Variants in NBEAL2 observed in about 807,000 individuals in gnomAD.
NBEAL2 encodes the protein neurobeachin-like protein 2.
In NBEAL2, 160 loss-of-function variants were observed where a neutral mutation model predicts 299.8. The ratio of observed to expected loss-of-function variants is 0.53; its 90% CI spans 0.47 to 0.61. NBEAL2 has a LOEUF of 0.61. NBEAL2 is among the 20% of genes least tolerant of loss of function. NBEAL2 has a pLI of 0.00. For synonymous variants in NBEAL2, 1,493 were observed against 1,542.3 expected, an observed-to-expected ratio of 0.97 and a Z score of 0.75; for missense variants, 3,112 against 3,649.0, an observed-to-expected ratio of 0.85 and a Z score of 3.79.
At chr3:46,990,410 T>C (rs2035999317) in intron 6 of NBEAL2, among the ~76,000 whole-genome samples, 2 of 152,192 alleles carry the variant, frequency 1.3e-5, no homozygotes, top group African/African-American at 4.8e-5. Flanking sequence ...CCACAGCCTT[T>C]CTCTCCACTT....
At position 46,992,507 on chromosome 3, in the gene NBEAL2, G is replaced by A. The variant is rs1218091324; in HGVS notation, c.1065G>A (p.Gly355=). 1.2e-6 allele frequency: 2 copies of A among 1,606,512 alleles called. No individual in the cohort carries two copies. Among genetic ancestry groups the A allele is most frequent in the South Asian group, 1.1e-5 (1 of 89,416 alleles). ...LYLQSRAPPE[G]DSDLATRLLT... is the part of the protein sequence containing the mutation. ...TGCAGTCCCGGGCGCCCCCCGAGGGGGACAGTGACCTGGCTACCCGGTTAC... is the reference window on the plus strand; with the variant it reads ...TGCAGTCCCGGGCGCCCCCCGAGGGAGACAGTGACCTGGCTACCCGGTTAC... The change falls in exon 10 of 54, where the codon GGG becomes GGA. Residue 355 remains glycine, a synonymous_variant. Coordinates refer to ENST00000450053, the MANE Select transcript of NBEAL2 (RefSeq NM_015175.3).
rs1355022043 is a variant in NBEAL2 at position 47,001,616 on chromosome 3, T to G, written c.4645-73T>G. Reference sequence around the variant, plus strand: ...CCCTACCTGGCCCCCAGCGCAAACTTTACTTTGCTCCCTTTCCATGGACTC... The same window carrying G: ...CCCTACCTGGCCCCCAGCGCAAACTGTACTTTGCTCCCTTTCCATGGACTC... On this transcript the variant is annotated intron_variant, in intron 29 of 53. Transcript: ENST00000450053. The surrounding 1 kb of genome is among the most constrained non-coding windows in gnomAD (Gnocchi z 6.1). The G allele has an allele frequency of 1.3e-5, 21 of 1,591,304 alleles. No homozygotes were observed. Among genetic ancestry groups the G allele is most frequent in the Non-Finnish European group, 1.7e-5 (20 of 1,166,278 alleles).
In NBEAL2 at chr3:46,999,070, C is replaced by A; in HGVS notation, c.3496C>A (p.Leu1166Ile). 1 of 1,592,020 alleles carries A rather than the reference C, an allele frequency of 6.3e-7. No individual in the cohort carries two copies. The highest frequency in any genetic ancestry group is 8.5e-7 in the Non-Finnish European group (1 of 1,169,728). ...GAACCTCGAAGTGCTACTGGCCCTGCTAGTGCGGCCAGGGTCACTGCCCCT... is the reference window on the plus strand; with the variant it reads ...GAACCTCGAAGTGCTACTGGCCCTGATAGTGCGGCCAGGGTCACTGCCCCT... ...PGNLEVLLAL[L>I]VRPGSLPLLP... The change falls in exon 24 of 54, where the codon CTA (leucine) becomes ATA (isoleucine). Residue 1166 changes from leucine (L) to isoleucine (I), a missense_variant. Leu to Ile is a conservative substitution (Grantham distance 5). This residue lies in a region of NBEAL2 where 2,243 missense variants were observed against 2,538.1 expected (regional missense o/e 0.88). Coordinates refer to ENST00000450053, the MANE Select transcript of NBEAL2 (RefSeq NM_015175.3).
chr3:46,990,480 C>T (rs1013902083), intron 6 of NBEAL2, among the ~76,000 whole-genome samples: 6 of 152,230 alleles, frequency 3.9e-5, no homozygotes, highest in Admixed American at 6.5e-5. Flanking sequence ...ACTGACCCCA[C>T]CTCAGGGTCT....
Position 46,995,722 on chromosome 3 carries a change from C to T in NBEAL2, c.1907C>T (p.Thr636Ile), listed in dbSNP as rs564164512. Residue 636 changes from threonine (T) to isoleucine (I), a missense_variant, in exon 14 of 54, where the codon ACC becomes ATC. Thr to Ile is a moderately conservative substitution (Grantham distance 89). Transcript: ENST00000450053. ...LQRKQLYSFF[T>I]SSGSGFEAFF... Reference sequence around the variant, plus strand: ...GGCTTGCCTGCCCCCAGCTTCTTTACCAGCAGCGGCTCAGGGTTTGAGGCC... The same window carrying T: ...GGCTTGCCTGCCCCCAGCTTCTTTATCAGCAGCGGCTCAGGGTTTGAGGCC... 39 of 1,613,280 alleles carry T rather than the reference C, an allele frequency of 2.4e-5. 1 individual carries two copies. The South Asian group carries it at 2.6e-4, about 11-fold the overall frequency.
chr3:46,989,487 T>A lies in NBEAL2; in HGVS notation c.474-24T>A. ...CCAGGAGTGGTGAGAGCCGGGCTGATGTACTTGGCCTCACTGCCCCCAGGG... is the reference window on the plus strand; with the variant it reads ...CCAGGAGTGGTGAGAGCCGGGCTGAAGTACTTGGCCTCACTGCCCCCAGGG... On this transcript the variant is annotated intron_variant, in intron 5 of 53. Coordinates refer to ENST00000450053, the MANE Select transcript of NBEAL2 (RefSeq NM_015175.3). The surrounding 1 kb of genome is among the most constrained non-coding windows in gnomAD (Gnocchi z 5.5). The A allele has an allele frequency of 6.3e-7, 1 of 1,578,066 alleles. No homozygotes were observed. Among genetic ancestry groups the A allele is most frequent in the Non-Finnish European group, 8.6e-7 (1 of 1,162,126 alleles).
chr3:46,986,010 G>T lies in NBEAL2; in HGVS notation c.52-2659G>T, dbSNP rs548194632. On this transcript the variant is annotated intron_variant, in intron 1 of 53. Transcript: ENST00000450053. Reference sequence around the variant, plus strand: ...GACTCCCGTACCCCGACACATTGCAGTCTCAAGCCATGGGGCCTAGGTCAG... The same window carrying T: ...GACTCCCGTACCCCGACACATTGCATTCTCAAGCCATGGGGCCTAGGTCAG... 1.3e-4 allele frequency among the ~76,000 whole-genome samples: 20 copies of T among 152,316 alleles called. 1 individual carries two copies. In the Middle Eastern group the frequency reaches 0.01, roughly 78 times the overall value.
In NBEAL2 at chr3:46,998,574, A is replaced by G; in HGVS notation, c.3221+9A>G. 1 of 1,606,158 alleles carries G rather than the reference A, an allele frequency of 6.2e-7. No individual in the cohort carries two copies. Among genetic ancestry groups the G allele is most frequent in the South Asian group, 1.1e-5 (1 of 89,774 alleles). On this transcript the variant is annotated intron_variant, in intron 22 of 53. Coordinates refer to ENST00000450053, the MANE Select transcript of NBEAL2 (RefSeq NM_015175.3). ...CTGCGCACCCACTACAGGTGAGGCC[A>G]GTGGGGCCAGATGGGCCATGGGGGG...
At chr3:46,987,931 C>T in intron 1 of NBEAL2, 1 of 1,194,118 alleles carries the variant, frequency 8.4e-7, no homozygotes, top group Non-Finnish European at 1.1e-6. Context: ...TCCCCCTCCC[C>T]CACCGTGACT....
rs1003233359 is a variant in NBEAL2, at chr3:47,005,956, A to C, written c.6812A>C (p.Tyr2271Ser). ...CCTCCCTACTCTCAGGAGTCGGAGT[A>C]TGTGTCTGCACACCTACACGAGTGG... Reference protein sequence around the residue: ...QQHRQALESEYVSAHLHEWID... With the variant: ...QQHRQALESESVSAHLHEWID... The change falls in exon 43 of 54, where the codon TAT becomes TCT. Residue 2271 changes from tyrosine to serine, a missense_variant. This residue lies in a region of NBEAL2 where 521 missense variants were observed against 729.6 expected (regional missense o/e 0.71). Coordinates refer to ENST00000450053, the MANE Select transcript of NBEAL2 (RefSeq NM_015175.3). 5.2e-5 allele frequency: 84 copies of C among 1,613,554 alleles called. No individual in the cohort carries two copies. The highest frequency in any genetic ancestry group is 6.7e-5 in the Non-Finnish European group (79 of 1,179,886).
intron 25 of NBEAL2, 63 bp downstream of exon 25, chr3:46,999,537 G>C: frequency 6.3e-7 from 1 of 1,585,752 alleles, no homozygotes; most frequent in African/African-American, 1.4e-5. Flanking sequence ...CAGGCAGGCC[G>C]GAAGAAGGAA....
chr3:47,008,757 G>A, intron 52 of NBEAL2, 89 bp downstream of exon 52: 1 of 1,561,014 alleles, frequency 6.4e-7, no homozygotes, highest in Non-Finnish European at 8.7e-7. Flanking sequence ...CACCATACAT[G>A]TTTGTGGGCA....
chr3:46,991,325 G>A lies in NBEAL2; in HGVS notation c.642+21G>A. On this transcript the variant is annotated intron_variant, in intron 7 of 53. Transcript: ENST00000450053. The surrounding 1 kb of genome is among the most constrained non-coding windows in gnomAD (Gnocchi z 6.2). ...GAAAGGTAGGCTGGGAGGTGAGCCT[G>A]TGGACTAGAGAGCAGCTCTTTCAGT... The A allele has an allele frequency of 6.3e-7, 1 of 1,590,948 alleles. No individual in the cohort carries two copies.
Position 46,996,014 on chromosome 3 carries a change from T to G in NBEAL2, c.2114T>G (p.Val705Gly). Residue 705 changes from valine (V) to glycine (G), a missense_variant, in exon 15 of 54, where the codon GTC becomes GGC. Val to Gly is a moderately radical substitution (Grantham distance 109). Around this residue, in one of 3 missense-constraint regions of NBEAL2, gnomAD observed 2,243 missense variants for 2,538.1 expected, o/e 0.88. Transcript: ENST00000450053. ...CATGTCTACAAAGACGGCCATCTGG[T>G]CAAGACAGCACCCCTTCGCTGCCCC... ...LVHVYKDGHL[V>G]KTAPLRCPSL... 1 of 1,612,028 alleles carries G rather than the reference T, an allele frequency of 6.2e-7. No individual in the cohort carries two copies.
In NBEAL2 at chr3:47,002,304, G is replaced by T. The variant is rs759769423; in HGVS notation, c.5151+16G>T. The stretch of plus-strand genomic sequence containing the variant: ...CGACAAACAGGTGCCTGGAGGTTGG[G>T]GCCCAGGAAGAGGAGTGGGGGCTGG... On this transcript the variant is annotated intron_variant, in intron 31 of 53. Coordinates refer to ENST00000450053, the MANE Select transcript of NBEAL2 (RefSeq NM_015175.3). 1.6e-5 allele frequency: 26 copies of T among 1,587,020 alleles called. No homozygotes were observed. Among genetic ancestry groups the T allele is most frequent in the Non-Finnish European group, 2.2e-5 (26 of 1,162,858 alleles).
rs1242603092 is a variant in NBEAL2 at position 46,995,401 on chromosome 3, C to G, written c.1666C>G (p.Arg556Gly). The G allele has an allele frequency of 2.5e-6, 4 of 1,612,704 alleles. No homozygotes were observed. The highest frequency in any genetic ancestry group is 1.3e-5 in the African/African-American group (1 of 75,064). ...AGGCGGAGCTGAGGCTGGAAAGGCC[C>G]GACACGCAGGTGCTGTCATCCGCAC... Reference protein sequence around the residue: ...EPGGAEAGKARHAGAVIRTLS... With the variant: ...EPGGAEAGKAGHAGAVIRTLS... The change falls in exon 13 of 54, where the codon CGA (arginine) becomes GGA (glycine). Residue 556 changes from arginine to glycine, a missense_variant. Transcript: ENST00000450053.
At position 47,003,325 on chromosome 3, in the gene NBEAL2, G is replaced by A; in HGVS notation, c.5720+16G>A. 1.9e-6 allele frequency: 3 copies of A among 1,609,244 alleles called. No homozygotes were observed. Among genetic ancestry groups the A allele is most frequent in the Non-Finnish European group, 2.5e-6 (3 of 1,178,094 alleles). ...TGGAGACCCCGTGAGTGGGGCCCTGGAGAGATTGGACTGGTGTGGTGGGCA... is the reference window on the plus strand; with the variant it reads ...TGGAGACCCCGTGAGTGGGGCCCTGAAGAGATTGGACTGGTGTGGTGGGCA... On this transcript the variant is annotated intron_variant, in intron 35 of 53. Transcript: ENST00000450053. The surrounding 1 kb of genome is among the most constrained non-coding windows in gnomAD (Gnocchi z 7.0).
chr3:46,999,463 TC>T lies in NBEAL2; in HGVS notation c.3694del (p.Leu1232TrpfsTer6). ...CTCTGCCAGGGCCTCTACAAGCTGT[TC>T]CTGGGGGCAGGTACAACCTGGTTAA... The part of the protein sequence containing the change: ...PQLCQGLYKL[F>X]LGADCLNLSD... On this transcript the variant is annotated frameshift_variant, in exon 25 of 54. Transcript: ENST00000450053. LOFTEE classifies it high-confidence loss of function. 1 of 1,580,554 alleles carries T rather than the reference TC, an allele frequency of 6.3e-7. No homozygotes were observed. Among genetic ancestry groups the T allele is most frequent in the Non-Finnish European group, 8.6e-7 (1 of 1,163,216 alleles).
chr3:46,989,664 C>A lies in NBEAL2; in HGVS notation c.556+71C>A. 1 of 1,368,158 alleles carries A rather than the reference C, an allele frequency of 7.3e-7. No homozygotes were observed. The highest frequency in any genetic ancestry group is 1.0e-6 in the Non-Finnish European group (1 of 980,930). 84.8% of individuals were successfully genotyped at this position (1,368,158 alleles called of 1,614,324 possible). ...GGCCCCTTCCTGTCGTTCCTTGATC[C>A]TGCCATACACAGGAACCACTTGGTG... On this transcript the variant is annotated intron_variant, in intron 6 of 53. Transcript: ENST00000450053. This position sits in a 1 kb window ranked among gnomAD's most constrained non-coding sequence, Gnocchi z 5.5.
Sources: allele counts gnomAD v4.1 joint callset (sites outside exome capture counted in the v4.1 genomes callset), GRCh38; gene constraint gnomAD v4.1.1; regional missense constraint gnomAD v4.1.1; non-coding constraint Gnocchi (gnomAD v3.1); transcripts MANE v1.5; gene names NCBI Gene and HGNC (gene_info 2026-07-23, HGNC 2026-07-21).